Variants in FERMT1 observed in about 807,000 individuals in gnomAD.
The protein encoded by FERMT1 is fermitin family homolog 1.
FERMT1 carries 60 observed loss-of-function variants against 85.3 expected under a neutral mutation model. That is an observed-to-expected ratio of 0.70 (90% CI 0.57 to 0.87). FERMT1 has a LOEUF of 0.87. FERMT1 is among the 40% of genes least tolerant of loss of function. The pLI, the probability that FERMT1 is intolerant of heterozygous loss-of-function variation, is 0.00. For synonymous variants in FERMT1, 275 were observed against 301.1 expected, an observed-to-expected ratio of 0.91 and a Z score of 0.90; for missense variants, 701 against 818.9, an observed-to-expected ratio of 0.86 and a Z score of 1.76.
At chr20:6,113,527 A>G (rs937175880) in intron 3 of FERMT1, among the ~76,000 whole-genome samples, 3 of 151,972 alleles carry the variant, frequency 2.0e-5, no homozygotes, top group Non-Finnish European at 4.4e-5. Context: ...TGCCCTGCCC[A>G]TTTCTTCTTG....
chr20:6,122,696 A>G (rs1225982756), intron 1 of FERMT1, 78 bp downstream of exon 1: 2 of 152,300 alleles, frequency 1.3e-5, no homozygotes, highest in Admixed American at 6.5e-5. Flanking sequence ...GAAAGGGGCT[A>G]AGGGGGCTCA....
At chr20:6,121,857 C>A (rs1204528260) in intron 1 of FERMT1, among the ~76,000 whole-genome samples, 1 of 152,212 alleles carries the variant, frequency 6.6e-6, no homozygotes, top group African/African-American at 2.4e-5. Flanking sequence ...GAACTAAATT[C>A]TCAGTAGCCT....
intron 5 of FERMT1, among the ~76,000 whole-genome samples, chr20:6,109,663 G>T (rs1333976059): frequency 6.6e-6 from 1 of 152,184 alleles, no homozygotes; most frequent in East Asian, 1.9e-4. Flanking sequence ...ACTTTGGGAG[G>T]CCAAGGTGGG....
At chr20:6,118,451 G>T (rs962952760) in intron 2 of FERMT1, among the ~76,000 whole-genome samples, 2 of 152,082 alleles carry the variant, frequency 1.3e-5, no homozygotes, top group Non-Finnish European at 2.9e-5. Flanking sequence ...TGATCTGAGT[G>T]GTTACAAGAC....
At chr20:6,115,735 G>T in intron 3 of FERMT1, 76 bp downstream of exon 3, 1 of 1,069,600 alleles carries the variant, frequency 9.3e-7, no homozygotes, top group Non-Finnish European at 1.5e-6. Context: ...CTTGAAGTAG[G>T]CAGAATGCAC....
intron 9 of FERMT1, among the ~76,000 whole-genome samples, chr20:6,092,108 A>G (rs1982386663): frequency 6.6e-6 from 1 of 152,122 alleles, no homozygotes; most frequent in African/African-American, 2.4e-5. Context: ...CACCTGGCTA[A>G]TTTTTGTAGT....
chr20:6,121,369 C>T (rs749638556), intron 1 of FERMT1, among the ~76,000 whole-genome samples: 1 of 152,224 alleles, frequency 6.6e-6, no homozygotes, highest in Non-Finnish European at 1.5e-5. Context: ...ATCCACCTGC[C>T]TTGGCCTCCC....
At chr20:6,120,561 A>G (rs894513586) in intron 1 of FERMT1, 1 of 152,230 alleles carries the variant, frequency 6.6e-6, no homozygotes, top group Non-Finnish European at 1.5e-5. Context: ...ACTTTTAAAC[A>G]GAAAGAAATA....
chr20:6,077,018 G>T lies in FERMT1; in HGVS notation c.*155C>A. On this transcript the variant is annotated 3_prime_UTR_variant, in exon 15 of 15. Coordinates refer to ENST00000217289, the MANE Select transcript of FERMT1 (RefSeq NM_017671.5). ...CAGGGCAAAGTAAGGAAAGGGATGTGCCAGCAGTGGGTTTGAATGAGGATC... is the reference window on the plus strand; with the variant it reads ...CAGGGCAAAGTAAGGAAAGGGATGTTCCAGCAGTGGGTTTGAATGAGGATC... 1 of 761,554 alleles carries T rather than the reference G, an allele frequency of 1.3e-6. No individual in the cohort carries two copies. The highest frequency in any genetic ancestry group is 2.3e-6 in the Non-Finnish European group (1 of 438,168). The allele number at this position is 761,554 out of a possible 1,614,324, so 47.2% of individuals were successfully genotyped here.
chr20:6,117,357 C>T (rs1254752479), intron 2 of FERMT1, among the ~76,000 whole-genome samples: 2 of 151,878 alleles, frequency 1.3e-5, no homozygotes, highest in African/African-American at 4.8e-5. Context: ...CAACTTCTGC[C>T]TCCTGGGTTC....
chr20:6,121,657 A>G (rs1382137490), intron 1 of FERMT1, among the ~76,000 whole-genome samples: 1 of 152,156 alleles, frequency 6.6e-6, no homozygotes, highest in Non-Finnish European at 1.5e-5. Context: ...CAGCAATCTC[A>G]TTTAGAAATG....
At chr20:6,096,440 G>C (rs1283275191) in intron 8 of FERMT1, among the ~76,000 whole-genome samples, 1 of 152,196 alleles carries the variant, frequency 6.6e-6, no homozygotes, top group Non-Finnish European at 1.5e-5. Context: ...TGGGAGGACT[G>C]CTTGAGCCCA....
chr20:6,085,025 G>T, intron 12 of FERMT1, 41 bp downstream of exon 12: 2 of 1,541,738 alleles, frequency 1.3e-6, no homozygotes, highest in Non-Finnish European at 9.0e-7. Flanking sequence ...TTTGCATAAA[G>T]AATTTACTGC....
chr20:6,118,743 T>C (rs1434338078), intron 2 of FERMT1, among the ~76,000 whole-genome samples: 1 of 152,122 alleles, frequency 6.6e-6, no homozygotes, highest in Non-Finnish European at 1.5e-5. Flanking sequence ...ACAGGGAGCA[T>C]AGTAAACGGT....
chr20:6,119,462 C>T lies in FERMT1; in HGVS notation c.93G>A (p.Leu31=), dbSNP rs1983203718. ...PNEEQQKDVT[L]RVSGDLHVGG... is the part of the protein sequence containing the mutation. ...CAACATGAAGGTCTCCAGATACTCT[C>T]AGTGTGACGTCTTTCTGCTGCTCTT... Residue 31 remains leucine, a synonymous_variant, in exon 2 of 15, where the codon CTG becomes CTA. Coordinates refer to ENST00000217289, the MANE Select transcript of FERMT1 (RefSeq NM_017671.5). 1 of 1,614,042 alleles carries T rather than the reference C, an allele frequency of 6.2e-7. No individual in the cohort carries two copies. Among genetic ancestry groups the T allele is most frequent in the African/African-American group, 1.3e-5 (1 of 74,934 alleles).
At position 6,107,515 on chromosome 20, in the gene FERMT1, G is replaced by T; in HGVS notation, c.849+17C>A. ...TCATATTAAAAAGAGAAAGACAAAA[G>T]AGAAAAAGTTGCTTACTTTAGGATT... On this transcript the variant is annotated intron_variant, in intron 6 of 14. Coordinates refer to ENST00000217289, the MANE Select transcript of FERMT1 (RefSeq NM_017671.5). 1.4e-6 allele frequency: 2 copies of T among 1,476,254 alleles called. No homozygotes were observed. The highest frequency in any genetic ancestry group is 1.1e-5 in the South Asian group (1 of 87,740). The allele number at this position is 1,476,254 out of a possible 1,614,324, so 91.4% of individuals were successfully genotyped here.
chr20:6,094,551 G>A (rs964005043), intron 9 of FERMT1, among the ~76,000 whole-genome samples: 7 of 152,146 alleles, frequency 4.6e-5, no homozygotes, highest in African/African-American at 1.2e-4. Context: ...CTAGTATGGC[G>A]GATGTGTTTA....
At chr20:6,083,661 C>CG (rs200749926) in intron 13 of FERMT1, among the ~76,000 whole-genome samples, 7 of 125,492 alleles carry the variant, frequency 5.6e-5, no homozygotes, top group East Asian at 3.0e-4. Context: ...AGACACCCCC[C>CG]CCCCCGGCCA....
intron 4 of FERMT1, 138 bp downstream of exon 4, chr20:6,112,339 G>C: frequency 2.4e-6 from 2 of 826,770 alleles, no homozygotes; most frequent in Non-Finnish European, 4.0e-6. Flanking sequence ...TTCTAAACTT[G>C]ACTAGATAGC....
Sources: gnomAD v4.1 joint callset for allele counts (sites outside exome capture counted in the v4.1 genomes callset) on GRCh38, gnomAD v4.1.1 for gene constraint, MANE v1.5 for transcripts, NCBI Gene and HGNC (gene_info 2026-07-23, HGNC 2026-07-21) for gene names.